The following FBN2 variants were observed in gnomAD, a reference collection of about 807,000 sequenced individuals.
FBN2 encodes fibrillin-2.
A neutral mutation model predicts 355.6 loss-of-function variants in FBN2; 105 were observed. The ratio of observed to expected loss-of-function variants is 0.30; its 90% CI spans 0.25 to 0.35. FBN2 has a LOEUF of 0.35. Ranked by LOEUF, FBN2 falls within the 10% of genes least tolerant of loss-of-function variation. The pLI, the probability that FBN2 is intolerant of heterozygous loss-of-function variation, is 1.00. For missense variants in FBN2, 3,280 were observed against 3,758.7 expected (o/e 0.87, Z 3.33); for synonymous variants, 1,350 against 1,301.2 (o/e 1.04, Z -0.81).
chr5:128,265,857 A>G (rs1264504299), intron 62 of FBN2, among the ~76,000 whole-genome samples: 5 of 152,204 alleles, frequency 3.3e-5, no homozygotes, highest in Non-Finnish European at 5.9e-5. Flanking sequence ...GTTTAGTAAC[A>G]TCGTAGGTTT....
chr5:128,512,775 C>T (rs1019589924), intron 5 of FBN2, among the ~76,000 whole-genome samples: 5 of 151,980 alleles, frequency 3.3e-5, no homozygotes, highest in Non-Finnish European at 7.4e-5. Context: ...TTTGAGAGTC[C>T]ATTTTCGAAT....
At chr5:128,394,085 T>A (rs1752587900) in intron 9 of FBN2, among the ~76,000 whole-genome samples, 2 of 152,174 alleles carry the variant, frequency 1.3e-5, no homozygotes, top group African/African-American at 4.8e-5. Flanking sequence ...TACTAATAGA[T>A]TTTGGTATTT....
intron 7 of FBN2, among the ~76,000 whole-genome samples, chr5:128,416,589 T>C (rs1483085534): frequency 6.6e-6 from 1 of 152,328 alleles, no homozygotes; most frequent in East Asian, 1.9e-4. Flanking sequence ...TTTTTGTATA[T>C]GGTGAGAGAC....
In FBN2 at chr5:128,286,827, C is replaced by T; in HGVS notation, c.6903G>A (p.Gly2301=). The T allele has an allele frequency of 6.2e-7, 1 of 1,614,044 alleles. No individual in the cohort carries two copies. Among genetic ancestry groups the T allele is most frequent in the East Asian group, 2.2e-5 (1 of 44,880 alleles). The stretch of plus-strand genomic sequence containing the variant: ...TGCCCCTAGATTCACAGTCGTGTAA[C>T]CCTTCAGCACATTCATCCAGATCTA... The part of the protein sequence containing the change: ...MCKDLDECAE[G]LHDCESRGMM... Residue 2301 remains glycine, a synonymous_variant, in exon 55 of 65, where the codon GGG becomes GGA. Transcript: ENST00000262464.
At chr5:128,381,570 A>G (rs901868668) in intron 11 of FBN2, among the ~76,000 whole-genome samples, 2 of 152,150 alleles carry the variant, frequency 1.3e-5, no homozygotes, top group Non-Finnish European at 2.9e-5. Context: ...ATAAATTCAA[A>G]GTGATCAAAA....
chr5:128,416,085 G>A (rs1387981589), intron 7 of FBN2, among the ~76,000 whole-genome samples: 1 of 150,700 alleles, frequency 6.6e-6, no homozygotes, highest in Non-Finnish European at 1.5e-5. Flanking sequence ...GGAGTGCAAT[G>A]GGGCGATCTC....
chr5:128,357,391 T>C lies in FBN2; in HGVS notation c.2559A>G (p.Ile853Met). 6.2e-7 allele frequency: 1 copy of C among 1,613,906 alleles called. No homozygotes were observed. The highest frequency in any genetic ancestry group is 8.5e-7 in the Non-Finnish European group (1 of 1,179,778). ...CACATGGGTTGCTTTCACATTCATT[T>C]ATATCTACAATCCAGAAGGAAAAGA... ...FRTETETCED[I>M]NECESNPCVN... The change falls in exon 20 of 65, where the codon ATA (isoleucine) becomes ATG (methionine). Residue 853 changes from isoleucine (I) to methionine (M), a missense_variant. Transcript: ENST00000262464.
At position 128,283,514 on chromosome 5, in the gene FBN2, T is replaced by C. The variant is rs1314053275; in HGVS notation, c.7013-3197A>G. On this transcript the variant is annotated intron_variant, in intron 55 of 64. Coordinates refer to ENST00000262464, the MANE Select transcript of FBN2 (RefSeq NM_001999.4). ...ATGGAGAACTTCCTATCTTGCTGGC[T>C]ACTCTTTCTTAGTCTCCTAATATTT... 3.9e-5 allele frequency among the ~76,000 whole-genome samples: 6 copies of C among 152,362 alleles called. No individual in the cohort carries two copies. The East Asian group carries it at 1.2e-3, about 29-fold the overall frequency.
intron 7 of FBN2, among the ~76,000 whole-genome samples, chr5:128,429,387 A>G (rs1185958700): frequency 6.6e-6 from 1 of 152,194 alleles, no homozygotes; most frequent in Non-Finnish European, 1.5e-5. Context: ...TTTACAGTAT[A>G]GCAGTATTCC....
chr5:128,354,043 C>T (rs982929830), intron 20 of FBN2, among the ~76,000 whole-genome samples: 8 of 152,156 alleles, frequency 5.3e-5, no homozygotes, highest in African/African-American at 1.9e-4. Flanking sequence ...TCCCGGCCCC[C>T]AGACACACAC....
chr5:128,498,811 A>G (rs1328434965), intron 5 of FBN2, among the ~76,000 whole-genome samples: 2 of 152,222 alleles, frequency 1.3e-5, no homozygotes, highest in Non-Finnish European at 2.9e-5. Flanking sequence ...CAATCTTACT[A>G]TAATCTACAA....
At chr5:128,508,707 T>C (rs1010106468) in intron 5 of FBN2, among the ~76,000 whole-genome samples, 1 of 152,068 alleles carries the variant, frequency 6.6e-6, no homozygotes, top group African/African-American at 2.4e-5. Flanking sequence ...TCAAAGAATA[T>C]TCAAAAATAT....
chr5:128,392,202 T>C, intron 10 of FBN2, 47 bp from the exon 11 acceptor site: 1 of 1,551,932 alleles, frequency 6.4e-7, no homozygotes, highest in Non-Finnish European at 8.9e-7. Flanking sequence ...ACAACATGCA[T>C]TACTTTTCTG....
chr5:128,536,955 A>C (rs1346044517), intron 1 of FBN2, among the ~76,000 whole-genome samples: 1 of 151,898 alleles, frequency 6.6e-6, no homozygotes, highest in African/African-American at 2.4e-5. Flanking sequence ...ACACGTCCTC[A>C]AACAAAAGGC....
Position 128,318,171 on chromosome 5 carries a change from G to T in FBN2, c.4695C>A (p.Asn1565Lys). ...ECNCPPDFQLNPTGVGCVDNR... is the reference protein window; with the variant it reads ...ECNCPPDFQLKPTGVGCVDNR... Reference sequence around the variant, plus strand: ...TACCAACACAACCCACACCAGTTGGGTTCAACTGAAAATCGGGTGGGCAGT... The same window carrying T: ...TACCAACACAACCCACACCAGTTGGTTTCAACTGAAAATCGGGTGGGCAGT... The change falls in exon 36 of 65, where the codon AAC becomes AAA. Residue 1565 changes from asparagine to lysine, a missense_variant. By Grantham distance (94) the Asn-to-Lys change is moderately conservative (BLOSUM62 0). Transcript: ENST00000262464. 2.5e-6 allele frequency: 4 copies of T among 1,614,004 alleles called. No individual in the cohort carries two copies. The highest frequency in any genetic ancestry group is 3.4e-6 in the Non-Finnish European group (4 of 1,179,888).
At chr5:128,408,431 G>T (rs1752986390) in intron 8 of FBN2, among the ~76,000 whole-genome samples, 1 of 152,102 alleles carries the variant, frequency 6.6e-6, no homozygotes, top group African/African-American at 2.4e-5. Context: ...TCGTGCCTTT[G>T]TGTCTTTCTT....
At chr5:128,419,454 C>T (rs1160057491) in intron 7 of FBN2, among the ~76,000 whole-genome samples, 1 of 151,970 alleles carries the variant, frequency 6.6e-6, no homozygotes, top group African/African-American at 2.4e-5. Flanking sequence ...TTCATAGATG[C>T]CCTCTATAAA....
At chr5:128,323,551 T>C (rs760148061) in intron 34 of FBN2, among the ~76,000 whole-genome samples, 5 of 152,216 alleles carry the variant, frequency 3.3e-5, no homozygotes, top group Non-Finnish European at 7.3e-5. Flanking sequence ...GAGATAATCA[T>C]GCAGTTTTTG....
intron 5 of FBN2, among the ~76,000 whole-genome samples, chr5:128,516,752 C>T (rs1756291843): frequency 6.6e-6 from 1 of 152,088 alleles, no homozygotes; most frequent in Non-Finnish European, 1.5e-5. Flanking sequence ...TAACAGGGCA[C>T]ATGAGCTTAC....
Sources: allele counts gnomAD v4.1 joint callset (sites outside exome capture counted in the v4.1 genomes callset), GRCh38; gene constraint gnomAD v4.1.1; transcripts MANE v1.5; gene names NCBI Gene and HGNC (gene_info 2026-07-23, HGNC 2026-07-21).